The following HOMER2 variants were observed in gnomAD, a reference collection of about 807,000 sequenced individuals.
HOMER2 encodes homer protein homolog 2.
A neutral mutation model predicts 47.0 loss-of-function variants in HOMER2; 27 were observed. The observed-to-expected ratio is 0.57, with a 90% confidence interval of 0.42 to 0.79. The LOEUF (loss-of-function observed/expected upper bound fraction) is 0.79. Among genes scored for constraint, HOMER2 ranks in the 30% least tolerant of loss-of-function variants. The probability of loss-of-function intolerance (pLI) is 0.00; values close to 1 mark genes in which losing one functional copy is unlikely to be tolerated. For missense variants in HOMER2, 443 were observed against 435.0 expected (o/e 1.02, Z -0.16); for synonymous variants, 161 against 163.8 (o/e 0.98, Z 0.13).
intron 1 of HOMER2, among the ~76,000 whole-genome samples, chr15:82,963,161 T>C (rs948525135): frequency 6.6e-6 from 1 of 152,186 alleles, no homozygotes; most frequent in Non-Finnish European, 1.5e-5. Flanking sequence ...CATAGCTCAC[T>C]GCAGCCTTGA....
In HOMER2 at chr15:82,840,743, T is replaced by C. The variant is rs1176017223; in HGVS notation, c.*6531A>G. On this transcript the variant is annotated 3_prime_UTR_variant, in exon 2 of 2. Coordinates refer to the HOMER2 transcript ENST00000558090. ...GAGCCACTGTGCTTAGCCGGGAAAA[T>C]TTAAATTGCCAAAAACTTACAGAAT... is the stretch of plus-strand genomic sequence containing the variant. 5.3e-5 allele frequency: 8 copies of C among 151,812 alleles called. 1 individual carries two copies. Among genetic ancestry groups the C allele is most frequent in the African/African-American group, 1.9e-4 (8 of 41,280 alleles). The allele number at this position is 151,812 out of a possible 1,614,324, so 9.4% of individuals were successfully genotyped here.
At chr15:82,973,672 T>A (rs560639525) in intron 1 of HOMER2, among the ~76,000 whole-genome samples, 3 of 152,216 alleles carry the variant, frequency 2.0e-5, no homozygotes, top group Non-Finnish European at 4.4e-5. Flanking sequence ...AGAAAACACA[T>A]CATAGTTCAT....
At chr15:82,869,024 G>A (rs995783411) in intron 3 of HOMER2, among the ~76,000 whole-genome samples, 1 of 152,118 alleles carries the variant, frequency 6.6e-6, no homozygotes, top group Non-Finnish European at 1.5e-5. Flanking sequence ...TGAATAACCT[G>A]CCCCTTAATT....
At chr15:82,903,820 C>T (rs189533135) in intron 1 of HOMER2, among the ~76,000 whole-genome samples, 1 of 152,226 alleles carries the variant, frequency 6.6e-6, no homozygotes, top group African/African-American at 2.4e-5. Flanking sequence ...CATGGTGAAA[C>T]CCCATCTCTA....
chr15:82,930,961 A>AG (rs1385922117), intron 1 of HOMER2, among the ~76,000 whole-genome samples: 1 of 152,118 alleles, frequency 6.6e-6, no homozygotes, highest in Non-Finnish European at 1.5e-5. Context: ...CGGGAGGCGG[A>AG]GGTTGCAGTG....
intron 1 of HOMER2, among the ~76,000 whole-genome samples, chr15:82,927,973 CA>C (rs928406358): frequency 0.012 from 689 of 57,318 alleles, 1 homozygote; most frequent in African/African-American, 0.02. Flanking sequence ...AACTCCGTCT[CA>C]AAAAAAAAAA....
intron 2 of HOMER2, among the ~76,000 whole-genome samples, chr15:82,876,382 C>A (rs904998941): frequency 6.6e-6 from 1 of 152,106 alleles, no homozygotes; most frequent in African/African-American, 2.4e-5. Context: ...TTCTGCTAAT[C>A]AAAGATACAA....
intron 1 of HOMER2, among the ~76,000 whole-genome samples, chr15:82,980,297 T>G (rs1368688689): frequency 1.3e-5 from 2 of 151,974 alleles, no homozygotes; most frequent in Non-Finnish European, 2.9e-5. Context: ...CACAAGACAA[T>G]ATTCCTGTCT....
At chr15:82,879,737 C>T (rs117476021) in intron 2 of HOMER2, among the ~76,000 whole-genome samples, 159 of 152,266 alleles carry the variant, frequency 1.0e-3, no homozygotes, top group Non-Finnish European at 1.8e-3. Context: ...GTGTCAATTT[C>T]TTAAAATAAG....
At chr15:82,932,296 A>C (rs2151198492) in intron 1 of HOMER2, among the ~76,000 whole-genome samples, 1 of 152,330 alleles carries the variant, frequency 6.6e-6, no homozygotes, top group Non-Finnish European at 1.5e-5. Flanking sequence ...GGAGTTTGCG[A>C]CTAGCATGGC....
intron 1 of HOMER2, among the ~76,000 whole-genome samples, chr15:82,972,720 A>G (rs1264710302): frequency 2.0e-5 from 3 of 152,200 alleles, no homozygotes; most frequent in African/African-American, 7.2e-5. Flanking sequence ...TAGGCACTGC[A>G]GTAGAGGTAC....
chr15:82,864,318 G>C, intron 3 of HOMER2, 59 bp from the exon 4 acceptor site: 1 of 1,130,176 alleles, frequency 8.8e-7, no homozygotes, highest in Non-Finnish European at 1.3e-6. Context: ...CTGGTATTCA[G>C]AACCCACCTT....
chr15:82,944,714 G>A (rs935256690), intron 1 of HOMER2, among the ~76,000 whole-genome samples: 1 of 151,720 alleles, frequency 6.6e-6, no homozygotes, highest in African/African-American at 2.4e-5. Flanking sequence ...GCAGGCTGTG[G>A]TGACATTTCA....
chr15:82,871,478 T>C (rs2052173777), intron 3 of HOMER2, among the ~76,000 whole-genome samples: 1 of 152,212 alleles, frequency 6.6e-6, no homozygotes, highest in Admixed American at 6.5e-5. Context: ...TCCTCTGTGC[T>C]AGCTAACTGT....
At chr15:82,865,983 G>T (rs909441374) in intron 3 of HOMER2, among the ~76,000 whole-genome samples, 2 of 152,240 alleles carry the variant, frequency 1.3e-5, no homozygotes, top group Admixed American at 6.5e-5. Flanking sequence ...GTCCCCCACA[G>T]AGTCCCTACT....
intron 1 of HOMER2, among the ~76,000 whole-genome samples, chr15:82,959,557 G>A (rs1361845265): frequency 6.6e-6 from 1 of 152,162 alleles, no homozygotes; most frequent in African/African-American, 2.4e-5. Flanking sequence ...TACGCATTAA[G>A]CCAGTCATTC....
chr15:82,944,218 TC>T (rs1230468335), intron 1 of HOMER2, among the ~76,000 whole-genome samples: 1 of 152,126 alleles, frequency 6.6e-6, no homozygotes, highest in Non-Finnish European at 1.5e-5. Context: ...CATCATGCAT[TC>T]AGAGGCTCCC....
At chr15:82,837,947 G>A (rs1359556025) in exon 2 of HOMER2, 1 of 152,286 alleles carries the variant, frequency 6.6e-6, no homozygotes, top group Admixed American at 6.5e-5. Flanking sequence ...CCCCTCCCTG[G>A]TAGTGGTTTA....
chr15:82,902,220 C>T (rs1177817771), intron 1 of HOMER2, among the ~76,000 whole-genome samples: 1 of 102,014 alleles, frequency 9.8e-6, no homozygotes, highest in Non-Finnish European at 2.2e-5. Flanking sequence ...TTTTTTGAGA[C>T]CGAGTCTCTC....
Sources: allele counts gnomAD v4.1 joint callset (sites outside exome capture counted in the v4.1 genomes callset), GRCh38; gene constraint gnomAD v4.1.1; transcripts MANE v1.5; gene names NCBI Gene and HGNC (gene_info 2026-07-23, HGNC 2026-07-21).